The following CTPS2 variants were observed in gnomAD, a reference collection of about 807,000 sequenced individuals.
The protein encoded by CTPS2 is CTP synthase II.
In CTPS2, 19 loss-of-function variants were observed where a neutral mutation model predicts 46.8. The observed-to-expected ratio is 0.41, with a 90% CI of 0.28 to 0.60. CTPS2 has a LOEUF of 0.60. CTPS2 is among the 20% of genes least tolerant of loss of function. CTPS2 has a pLI of 0.35. For synonymous variants in CTPS2, 151 were observed against 165.2 expected (o/e 0.91, Z 0.66); for missense variants, 286 against 447.6 (o/e 0.64, Z 3.26).
At chrX:16,648,012 G>A (rs1324163921) in intron 13 of CTPS2, among the ~76,000 whole-genome samples, 1 of 111,412 alleles carries the variant, frequency 9.0e-6, no homozygotes, top group African/African-American at 3.3e-5. Flanking sequence ...TGAGGTAGGA[G>A]GATCACCTGA....
chrX:16,649,227 T>C (rs1415531350), intron 13 of CTPS2, among the ~76,000 whole-genome samples: 1 of 112,060 alleles, frequency 8.9e-6, no homozygotes, highest in Non-Finnish European at 1.9e-5. Flanking sequence ...AGGAAAAGGA[T>C]AATGAGAAAT....
At chrX:16,640,932 C>T (rs1932048519) in intron 13 of CTPS2, among the ~76,000 whole-genome samples, 1 of 112,020 alleles carries the variant, frequency 8.9e-6, no homozygotes, top group Non-Finnish European at 1.9e-5. Flanking sequence ...CCCAAGCTTG[C>T]TCCAAGAGTT....
At chrX:16,622,092 A>C (rs1388349655) in intron 14 of CTPS2, among the ~76,000 whole-genome samples, 1 of 111,108 alleles carries the variant, frequency 9.0e-6, no homozygotes, top group Admixed American at 9.6e-5. Flanking sequence ...GCACAATAAC[A>C]TACAGTTAGA....
chrX:16,609,518 G>A, intron 17 of CTPS2, 23 bp downstream of exon 17: 2 of 1,205,700 alleles, frequency 1.7e-6, no homozygotes, highest in South Asian at 3.5e-5. Flanking sequence ...TTGGTTTATT[G>A]CTAAGAGCAG....
chrX:16,617,298 C>T (rs1211894327), intron 15 of CTPS2, 52 bp from the exon 16 acceptor site: 8 of 893,748 alleles, frequency 9.0e-6, no homozygotes, highest in Middle Eastern at 2.7e-4. Flanking sequence ...TACCAGCTGC[C>T]ATACCAGGTC....
chrX:16,675,117 A>C (rs926223587), intron 10 of CTPS2, among the ~76,000 whole-genome samples: 1 of 109,641 alleles, frequency 9.1e-6, no homozygotes, highest in Non-Finnish European at 1.9e-5. Flanking sequence ...ATGCAAAAAA[A>C]ATTAGTCAGG....
intron 13 of CTPS2, among the ~76,000 whole-genome samples, chrX:16,653,123 A>T (rs998030177): frequency 4.5e-5 from 5 of 110,693 alleles, no homozygotes; most frequent in Non-Finnish European, 9.4e-5. Flanking sequence ...TATATATATA[A>T]TATAGTCTAA....
chrX:16,669,877 T>C (rs1357461163), intron 11 of CTPS2, among the ~76,000 whole-genome samples: 1 of 110,092 alleles, frequency 9.1e-6, no homozygotes, highest in East Asian at 2.8e-4. Context: ...CCATTTCCTC[T>C]GGTTTCCCTG....
At chrX:16,657,356 C>T (rs751958394) in intron 13 of CTPS2, among the ~76,000 whole-genome samples, 1 of 109,900 alleles carries the variant, frequency 9.1e-6, no homozygotes, top group Admixed American at 9.8e-5. Flanking sequence ...CTGGGCAGGG[C>T]CAGGCTTCTC....
chrX:16,694,998 T>TAAA (rs1284389838), intron 4 of CTPS2, among the ~76,000 whole-genome samples: 3 of 71,527 alleles, frequency 4.2e-5, no homozygotes, highest in South Asian at 1.0e-3. Context: ...ACTGTCTCTT[T>TAAA]AAAAAACAAC....
intron 13 of CTPS2, among the ~76,000 whole-genome samples, chrX:16,652,025 G>C (rs769556636): frequency 1.8e-5 from 2 of 109,673 alleles, no homozygotes; most frequent in Non-Finnish European, 3.8e-5. Flanking sequence ...GGATGGGGGG[G>C]GCCAGTGGAT....
chrX:16,688,942 A>AT (rs1162494237), intron 8 of CTPS2, among the ~76,000 whole-genome samples: 49 of 106,550 alleles, frequency 4.6e-4, no homozygotes, highest in East Asian at 1.8e-3. Flanking sequence ...AAAAAAAAAA[A>AT]ATATATATTA....
At chrX:16,604,605 T>C (rs1929862361) in intron 17 of CTPS2, among the ~76,000 whole-genome samples, 1 of 110,831 alleles carries the variant, frequency 9.0e-6, no homozygotes, top group Non-Finnish European at 1.9e-5. Context: ...GGTGGGCGGA[T>C]TGCTTGCGCC....
chrX:16,602,561 G>A lies in CTPS2; in HGVS notation c.1691+6980C>T, dbSNP rs776258363. ...TGGGATAGAATAAGCTTTAACATAG[G>A]GGGTGTGTTGAGTGAATGGTGAAGT... is the stretch of plus-strand genomic sequence containing the variant. On this transcript the variant is annotated intron_variant, in intron 17 of 18. Transcript: ENST00000359276. Among the ~76,000 whole-genome samples, 2 of 111,714 alleles carry A rather than the reference G, an allele frequency of 1.8e-5. 1 individual carries two copies. Among genetic ancestry groups the A allele is most frequent in the South Asian group, 7.5e-4 (2 of 2,657 alleles).
At chrX:16,679,438 AAGAG>A (rs1441152092) in intron 9 of CTPS2, among the ~76,000 whole-genome samples, 1 of 111,572 alleles carries the variant, frequency 9.0e-6, no homozygotes, top group African/African-American at 3.3e-5. Flanking sequence ...TCAGAGGAAA[AAGAG>A]AGAAAGTGGT....
intron 4 of CTPS2, among the ~76,000 whole-genome samples, chrX:16,695,022 A>G (rs191146288): frequency 1.1e-3 from 126 of 110,640 alleles, no homozygotes; most frequent in Non-Finnish European, 2.1e-3. Context: ...AACAACAACA[A>G]CAACTCAACG....
intron 17 of CTPS2, among the ~76,000 whole-genome samples, chrX:16,597,645 T>C (rs899105357): frequency 8.9e-6 from 1 of 111,967 alleles, no homozygotes; most frequent in African/African-American, 3.3e-5. Flanking sequence ...CCAGCTTTGT[T>C]CTTTTGGCTT....
intron 4 of CTPS2, among the ~76,000 whole-genome samples, chrX:16,694,752 C>A (rs1923983651): frequency 8.9e-6 from 1 of 112,650 alleles, no homozygotes; most frequent in Non-Finnish European, 1.9e-5. Flanking sequence ...GTAATCCCAA[C>A]ACTTTGGGAG....
At chrX:16,660,150 A>T (rs1415731471) in intron 13 of CTPS2, among the ~76,000 whole-genome samples, 1 of 111,573 alleles carries the variant, frequency 9.0e-6, no homozygotes, top group African/African-American at 3.3e-5. Context: ...TTTCCGTAAT[A>T]GTAATGCCAA....
Sources: allele counts gnomAD v4.1 joint callset (sites outside exome capture counted in the v4.1 genomes callset), GRCh38; gene constraint gnomAD v4.1.1; transcripts MANE v1.5; gene names NCBI Gene and HGNC (gene_info 2026-07-23, HGNC 2026-07-21).